The following CEP128 variants were observed in gnomAD, a reference collection of about 807,000 sequenced individuals.
CEP128 encodes centrosomal protein 128.
Under a neutral mutation model 156.7 loss-of-function variants are expected in CEP128, and 132 were observed. The observed-to-expected ratio is 0.84, with a 90% CI of 0.73 to 0.97. The LOEUF (loss-of-function observed/expected upper bound fraction) is 0.97, where lower values mean the gene tolerates loss of function less well. Among genes scored for constraint, CEP128 ranks in the 50% least tolerant of loss-of-function variants. The pLI, the probability that CEP128 is intolerant of heterozygous loss-of-function variation, is 0.00. For missense variants in CEP128, 1,252 were observed against 1,281.9 expected, an observed-to-expected ratio of 0.98 and a Z score of 0.36; for synonymous variants, 469 against 448.9, an observed-to-expected ratio of 1.04 and a Z score of -0.57.
At chr14:80,794,011 T>G (rs1274415518) in intron 13 of CEP128, among the ~76,000 whole-genome samples, 1 of 152,176 alleles carries the variant, frequency 6.6e-6, no homozygotes, top group Non-Finnish European at 1.5e-5. Context: ...AATAAAGCAC[T>G]TACAATGAGT....
At chr14:80,857,317 C>G (rs1477206043) in intron 9 of CEP128, among the ~76,000 whole-genome samples, 1 of 150,174 alleles carries the variant, frequency 6.7e-6, no homozygotes, top group Non-Finnish European at 1.5e-5. Context: ...CTCCACTAAA[C>G]TAACCAAAGT....
chr14:80,680,150 C>T (rs1367824791), intron 19 of CEP128, among the ~76,000 whole-genome samples: 5 of 152,248 alleles, frequency 3.3e-5, no homozygotes, highest in Admixed American at 1.3e-4. Context: ...TGGAATTCGG[C>T]TCTCCCCTGC....
intron 2 of CEP128, among the ~76,000 whole-genome samples, chr14:80,949,250 TG>T (rs1461492214): frequency 6.6e-6 from 1 of 152,124 alleles, no homozygotes; most frequent in African/African-American, 2.4e-5. Context: ...CAAGTCATGG[TG>T]CAAGGAGAGC....
intron 19 of CEP128, among the ~76,000 whole-genome samples, chr14:80,707,477 A>T (rs186564358): frequency 6.6e-6 from 1 of 152,310 alleles, no homozygotes; most frequent in East Asian, 1.9e-4. Flanking sequence ...GAACCAACCA[A>T]TTCTCCAAGG....
chr14:80,619,367 GACACACACACAC>G (rs34190837), intron 19 of CEP128, among the ~76,000 whole-genome samples: 26 of 139,472 alleles, frequency 1.9e-4, no homozygotes, highest in African/African-American at 6.0e-4. Flanking sequence ...AAGACACACA[GACACACACACAC>G]ACACACACAC....
intron 23 of CEP128, among the ~76,000 whole-genome samples, chr14:80,517,951 T>C (rs913696204): frequency 2.6e-5 from 4 of 151,688 alleles, no homozygotes; most frequent in African/African-American, 9.7e-5. Flanking sequence ...TCCAGAGGGG[T>C]GGAAGTCAGT....
At chr14:80,535,693 A>G (rs894066356) in intron 21 of CEP128, among the ~76,000 whole-genome samples, 2 of 152,204 alleles carry the variant, frequency 1.3e-5, no homozygotes, top group Non-Finnish European at 2.9e-5. Context: ...GAGTTTTATG[A>G]TACTAACACT....
intron 13 of CEP128, among the ~76,000 whole-genome samples, chr14:80,825,211 C>T (rs1037622974): frequency 1.3e-5 from 2 of 152,214 alleles, no homozygotes; most frequent in African/African-American, 4.8e-5. Flanking sequence ...GGTGGGGACA[C>T]AGCCAAACCA....
intron 21 of CEP128, among the ~76,000 whole-genome samples, chr14:80,540,197 AC>A (rs35857257): frequency 0.23 from 28,269 of 124,110 alleles, 3,551 homozygotes; most frequent in African/African-American, 0.34. Flanking sequence ...CTGTTCTTAC[AC>A]CCCCCCCCCT....
Position 80,955,350 on chromosome 14 carries a change from G to GTGGAGGGGCGCCCGGGGT in CEP128, c.-172+2827_-172+2828insACCCCGGGCGCCCCTCCA, listed in dbSNP as rs1566734988. 1.3e-5 allele frequency: 6 copies of GTGGAGGGGCGCCCGGGGT among 475,466 alleles called. No homozygotes were observed. In the East Asian group the frequency reaches 2.3e-4, roughly 18 times the overall value. The allele number at this position is 475,466 out of a possible 1,614,324, so 29.5% of individuals were successfully genotyped here. On this transcript the variant is annotated intron_variant, in intron 2 of 7. Transcript: ENST00000555529. ...AGAACTAATGGGAGGGGCGCCCGGG[G>GTGGAGGGGCGCCCGGGGT]TGGGGGGGCGGGCTGGAAAACAGAG... is the stretch of plus-strand genomic sequence containing the variant.
intron 21 of CEP128, among the ~76,000 whole-genome samples, chr14:80,539,006 G>A (rs1369772447): frequency 1.3e-5 from 2 of 152,198 alleles, no homozygotes; most frequent in African/African-American, 2.4e-5. Flanking sequence ...CAAAGTGCCT[G>A]ACCCAGGAGA....
chr14:80,572,295 T>C (rs1181174030), intron 20 of CEP128, among the ~76,000 whole-genome samples: 1 of 152,164 alleles, frequency 6.6e-6, no homozygotes, highest in African/African-American at 2.4e-5. Flanking sequence ...TTTAATCATG[T>C]ATTATTAGTA....
intron 20 of CEP128, among the ~76,000 whole-genome samples, chr14:80,577,001 T>G (rs1891389817): frequency 6.6e-6 from 1 of 152,180 alleles, no homozygotes; most frequent in Non-Finnish European, 1.5e-5. Context: ...CTAAACCCCA[T>G]AGCTAAATGG....
At chr14:80,708,194 AT>A (rs1340010651) in intron 19 of CEP128, among the ~76,000 whole-genome samples, 2 of 152,112 alleles carry the variant, frequency 1.3e-5, no homozygotes, top group African/African-American at 4.8e-5. Context: ...ATTTACTGGA[AT>A]TTTGTATTGT....
rs756804508 is a variant in CEP128 at position 80,792,998 on chromosome 14, T to C, written c.1322A>G (p.Asp441Gly). 5.6e-6 allele frequency: 9 copies of C among 1,614,198 alleles called. No individual in the cohort carries two copies. Among genetic ancestry groups the C allele is most frequent in the Non-Finnish European group, 6.8e-6 (8 of 1,180,036 alleles). Residue 441 changes from aspartate (D) to glycine (G), a missense_variant, in exon 14 of 25, where the codon GAC (aspartate) becomes GGC (glycine). Coordinates refer to ENST00000555265, the MANE Select transcript of CEP128 (RefSeq NM_152446.5). ...DTCEAERKHA[D>G]LQISELTRHA... ...GCGAGTCAGCTCTGAGATCTGAAGG[T>C]CAGCATGCTTACGCTCGGCCTCACA...
chr14:80,673,644 T>TCA (rs1566847992), intron 19 of CEP128, among the ~76,000 whole-genome samples: 1 of 1,940 alleles, frequency 5.2e-4, no homozygotes, highest in East Asian at 0.062. Flanking sequence ...AGACTCCGTC[T>TCA]CAAAAAAAAA....
At chr14:80,942,632 G>C (rs758927192), upstream of CEP128, among the ~76,000 whole-genome samples, 3 of 152,086 alleles carry the variant, frequency 2.0e-5, no homozygotes, top group Admixed American at 6.5e-5. Context: ...AATAACAAGG[G>C]TTCCTTAATC....
intron 19 of CEP128, among the ~76,000 whole-genome samples, chr14:80,740,591 T>G (rs917375187): frequency 2.0e-5 from 3 of 152,298 alleles, no homozygotes; most frequent in Admixed American, 2.0e-4. Context: ...CACTGTCTAC[T>G]TTTTGGCTAA....
intron 19 of CEP128, among the ~76,000 whole-genome samples, chr14:80,640,174 G>A (rs1238519483): frequency 2.0e-5 from 3 of 152,048 alleles, no homozygotes; most frequent in South Asian, 4.1e-4. Context: ...GTCTGAATCA[G>A]GTATATAGGA....
Sources: gnomAD v4.1 joint callset for allele counts (sites outside exome capture counted in the v4.1 genomes callset) on GRCh38, gnomAD v4.1.1 for gene constraint, MANE v1.5 for transcripts, NCBI Gene and HGNC (gene_info 2026-07-23, HGNC 2026-07-21) for gene names.